The following GRHL2 variants were observed in gnomAD, a reference collection of about 807,000 sequenced individuals.
The protein encoded by GRHL2 is grainyhead like transcription factor 2.
GRHL2 carries 21 observed loss-of-function variants against 83.8 expected under a neutral mutation model. That is an observed-to-expected ratio of 0.25 (90% CI 0.18 to 0.36). The LOEUF is 0.36. Ranked by LOEUF, GRHL2 falls within the 10% of genes least tolerant of loss-of-function variation. The pLI is 1.00. For missense variants in GRHL2, 623 were observed against 781.8 expected, an observed-to-expected ratio of 0.80 and a Z score of 2.42; for synonymous variants, 280 against 278.9, an observed-to-expected ratio of 1.00 and a Z score of -0.04.
intron 1 of GRHL2, among the ~76,000 whole-genome samples, chr8:101,508,867 T>C (rs1218115556): frequency 2.0e-5 from 3 of 152,166 alleles, no homozygotes; most frequent in African/African-American, 7.2e-5. Flanking sequence ...GGTTTAAGAT[T>C]GTAATTAGAA....
intron 1 of GRHL2, among the ~76,000 whole-genome samples, chr8:101,527,228 A>C (rs1810826774): frequency 6.6e-6 from 1 of 152,214 alleles, no homozygotes; most frequent in African/African-American, 2.4e-5. Context: ...TCCTATCTTT[A>C]TCCTAGTAAT....
At chr8:101,566,598 A>T (rs562962503) in intron 4 of GRHL2, among the ~76,000 whole-genome samples, 1 of 147,974 alleles carries the variant, frequency 6.8e-6, no homozygotes, top group South Asian at 2.1e-4. Flanking sequence ...ATATTATTAT[A>T]TATATTATTA....
intron 6 of GRHL2, among the ~76,000 whole-genome samples, chr8:101,576,650 T>C (rs1298017854): frequency 6.6e-6 from 1 of 152,204 alleles, no homozygotes; most frequent in African/African-American, 2.4e-5. Flanking sequence ...GGTTTTTTTT[T>C]GGAAGAGGGT....
intron 1 of GRHL2, among the ~76,000 whole-genome samples, chr8:101,522,605 G>T (rs2130050904): frequency 6.6e-6 from 1 of 152,244 alleles, no homozygotes; most frequent in East Asian, 1.9e-4. Context: ...AAAATGAGAA[G>T]TTTGGAGTGG....
chr8:101,573,599 G>T, intron 5 of GRHL2, 69 bp from the exon 6 acceptor site: 1 of 1,571,902 alleles, frequency 6.4e-7, no homozygotes, highest in South Asian at 1.1e-5. Flanking sequence ...ATGCTATGAT[G>T]TGAAATTGGT....
At chr8:101,623,009 T>G (rs1244253628) in intron 9 of GRHL2, among the ~76,000 whole-genome samples, 1 of 152,230 alleles carries the variant, frequency 6.6e-6, no homozygotes, top group East Asian at 1.9e-4. Context: ...CTGCAAATGC[T>G]GTTAATTCAG....
chr8:101,535,605 C>G (rs1164535496), intron 1 of GRHL2, among the ~76,000 whole-genome samples: 1 of 152,058 alleles, frequency 6.6e-6, no homozygotes, highest in Non-Finnish European at 1.5e-5. Flanking sequence ...GTGGCTTGAT[C>G]TTGGCTCACT....
At chr8:101,509,668 T>C (rs555341420) in intron 1 of GRHL2, among the ~76,000 whole-genome samples, 6 of 152,300 alleles carry the variant, frequency 3.9e-5, no homozygotes, top group Admixed American at 1.3e-4. Flanking sequence ...CTACAAATCT[T>C]GCAGAGAGGG....
intron 12 of GRHL2, 151 bp downstream of exon 12, chr8:101,637,079 T>C: frequency 1.3e-6 from 1 of 791,490 alleles, no homozygotes; most frequent in South Asian, 1.4e-5. Flanking sequence ...CTGGGGACCA[T>C]CTGGGAGGGA....
rs1174056495 is a variant in GRHL2, at chr8:101,543,337, C to T, written c.117C>T (p.Tyr39=). The T allele has an allele frequency of 6.2e-7, 1 of 1,614,124 alleles. No homozygotes were observed. The highest frequency in any genetic ancestry group is 1.7e-5 in the Admixed American group (1 of 60,020). Residue 39 remains tyrosine (Y), a synonymous_variant, in exon 2 of 16, where the codon TAC becomes TAT. Coordinates refer to ENST00000646743, the MANE Select transcript of GRHL2 (RefSeq NM_024915.4). ...YTSEDEAWKS[Y]LENPLTAATK... ...GTGAGGATGAAGCCTGGAAGTCATA[C>T]TTGGAGAATCCCCTGACAGCAGCCA...
intron 7 of GRHL2, among the ~76,000 whole-genome samples, chr8:101,596,773 G>A (rs1812400191): frequency 6.6e-6 from 1 of 152,210 alleles, no homozygotes; most frequent in Non-Finnish European, 1.5e-5. Context: ...TTATTTGTGG[G>A]TGAGAAAATT....
intron 7 of GRHL2, among the ~76,000 whole-genome samples, chr8:101,598,657 T>C (rs1283396924): frequency 6.7e-6 from 1 of 149,138 alleles, no homozygotes; most frequent in Non-Finnish European, 1.5e-5. Context: ...GAATATTCTG[T>C]TCTACAAAAA....
intron 4 of GRHL2, among the ~76,000 whole-genome samples, chr8:101,561,053 C>T (rs1811597857): frequency 6.6e-6 from 1 of 151,722 alleles, no homozygotes; most frequent in Non-Finnish European, 1.5e-5. Flanking sequence ...GAAATCTTTC[C>T]CTAACCCAAT....
At chr8:101,529,401 C>T in intron 1 of GRHL2, 1 of 159,022 alleles carries the variant, frequency 6.3e-6, no homozygotes, top group Non-Finnish European at 1.3e-5. Context: ...CCACTGCACT[C>T]CAGCCTGGGC....
chr8:101,663,635 A>AAATAAATTAATT (rs1554598242), intron 14 of GRHL2, among the ~76,000 whole-genome samples: 8 of 151,440 alleles, frequency 5.3e-5, no homozygotes, highest in African/African-American at 9.7e-5. Context: ...ATAAATAAAT[A>AAATAAATTAATT]AATAAATAAA....
At chr8:101,545,791 T>G (rs1390747218) in intron 2 of GRHL2, among the ~76,000 whole-genome samples, 22 of 151,756 alleles carry the variant, frequency 1.4e-4, no homozygotes, top group Admixed American at 1.4e-3. Context: ...ACAGTTGTAT[T>G]GATCTTCAAA....
At chr8:101,650,818 A>ATCTATCTATCTG (rs1239627671) in intron 14 of GRHL2, among the ~76,000 whole-genome samples, 3 of 151,986 alleles carry the variant, frequency 2.0e-5, no homozygotes, top group Non-Finnish European at 4.4e-5. Flanking sequence ...CTATCTATCT[A>ATCTATCTATCTG]TCTATCTATC....
intron 8 of GRHL2, among the ~76,000 whole-genome samples, chr8:101,614,996 A>G (rs942864255): frequency 4.6e-5 from 7 of 152,178 alleles, no homozygotes; most frequent in African/African-American, 1.2e-4. Context: ...TGACAACACA[A>G]TGTAGCAGAA....
intron 14 of GRHL2, among the ~76,000 whole-genome samples, chr8:101,650,638 G>A (rs1305207065): frequency 6.6e-6 from 1 of 152,042 alleles, no homozygotes; most frequent in East Asian, 1.9e-4. Flanking sequence ...CAAGTTAGTG[G>A]TTGCCAGGGG....
Sources: gnomAD v4.1 joint callset for allele counts (sites outside exome capture counted in the v4.1 genomes callset) on GRCh38, gnomAD v4.1.1 for gene constraint, MANE v1.5 for transcripts, NCBI Gene and HGNC (gene_info 2026-07-23, HGNC 2026-07-21) for gene names.